The following ATRNL1 variants were observed in gnomAD, a reference collection of about 807,000 sequenced individuals.
The protein encoded by ATRNL1 is attractin like 1, also known as attractin-like protein 1.
In ATRNL1, 95 loss-of-function variants were observed where a neutral mutation model predicts 182.7. The ratio of observed to expected loss-of-function variants is 0.52; its 90% confidence interval spans 0.44 to 0.62. ATRNL1 has a LOEUF of 0.62. Ranked by LOEUF, ATRNL1 falls within the 20% of genes least tolerant of loss-of-function variation. The pLI, the probability that ATRNL1 is intolerant of heterozygous loss-of-function variation, is 0.00. For missense variants in ATRNL1, 1,471 were observed against 1,679.5 expected (o/e 0.88, Z 2.17); for synonymous variants, 576 against 568.3 (o/e 1.01, Z -0.19).
chr10:115,237,737 A>T (rs1850247100), intron 9 of ATRNL1, among the ~76,000 whole-genome samples: 2 of 152,110 alleles, frequency 1.3e-5, no homozygotes. Context: ...ATAGAGTCCA[A>T]ATTATGACTT....
intron 26 of ATRNL1, among the ~76,000 whole-genome samples, chr10:115,723,536 A>T (rs1482027111): frequency 1.3e-5 from 1 of 75,032 alleles, no homozygotes; most frequent in African/African-American, 3.3e-5. Context: ...TTTCTTTTGT[A>T]TTTATTTATT....
chr10:115,570,482 A>G (rs1229321920), intron 26 of ATRNL1, among the ~76,000 whole-genome samples: 1 of 152,174 alleles, frequency 6.6e-6, no homozygotes, highest in Non-Finnish European at 1.5e-5. Flanking sequence ...TGGTTTCTGG[A>G]ATTTGAGTCA....
At chr10:115,392,877 ATACT>A (rs1164741856) in intron 19 of ATRNL1, among the ~76,000 whole-genome samples, 1 of 152,176 alleles carries the variant, frequency 6.6e-6, no homozygotes, top group Non-Finnish European at 1.5e-5. Flanking sequence ...TGGAAGAAAC[ATACT>A]TTCTTTTTCT....
intron 20 of ATRNL1, among the ~76,000 whole-genome samples, chr10:115,396,766 A>ATTT (rs1844310280): frequency 1.3e-5 from 2 of 152,064 alleles, no homozygotes; most frequent in South Asian, 4.1e-4. Flanking sequence ...TAGTTCTTTG[A>ATTT]TACAGTATTG....
At chr10:115,815,932 G>T (rs1482843304) in intron 27 of ATRNL1, among the ~76,000 whole-genome samples, 2 of 152,132 alleles carry the variant, frequency 1.3e-5, no homozygotes, top group African/African-American at 4.8e-5. Flanking sequence ...AAACCAGGCT[G>T]ATTTCATAAA....
intron 28 of ATRNL1, among the ~76,000 whole-genome samples, chr10:115,918,164 G>T (rs953255282): frequency 7.5e-6 from 1 of 133,640 alleles, no homozygotes; most frequent in Non-Finnish European, 1.5e-5. Context: ...TGTATTACAC[G>T]ATCTCAGCTC....
At chr10:115,465,154 T>C (rs1456354892) in intron 22 of ATRNL1, among the ~76,000 whole-genome samples, 1 of 151,730 alleles carries the variant, frequency 6.6e-6, no homozygotes, top group Non-Finnish European at 1.5e-5. Context: ...GAAATTTCAA[T>C]CTAAGGTTAT....
chr10:115,602,989 A>G (rs1487201056), intron 26 of ATRNL1, among the ~76,000 whole-genome samples: 8 of 152,204 alleles, frequency 5.3e-5, no homozygotes, highest in Admixed American at 3.9e-4. Context: ...ACAGATACAA[A>G]TGAACAGCCA....
At chr10:115,700,529 CT>C (rs1210712723) in intron 26 of ATRNL1, among the ~76,000 whole-genome samples, 2 of 152,028 alleles carry the variant, frequency 1.3e-5, no homozygotes, top group Non-Finnish European at 2.9e-5. Flanking sequence ...CTTTTGCCCA[CT>C]TTTTACTGGG....
intron 26 of ATRNL1, among the ~76,000 whole-genome samples, chr10:115,633,674 T>C (rs11197361): frequency 0.18 from 26,735 of 152,100 alleles, 2,904 homozygotes; most frequent in East Asian, 0.26. Context: ...ACCATCCTGT[T>C]TGGATATGTG....
At chr10:115,327,661 C>G (rs1854977181) in intron 18 of ATRNL1, among the ~76,000 whole-genome samples, 1 of 150,486 alleles carries the variant, frequency 6.6e-6, no homozygotes, top group Non-Finnish European at 1.5e-5. Context: ...GCACTATTCA[C>G]AATAGCAAAG....
intron 1 of ATRNL1, among the ~76,000 whole-genome samples, chr10:115,109,765 A>G (rs77794959): frequency 5.3e-5 from 8 of 152,290 alleles, no homozygotes; most frequent in African/African-American, 9.6e-5. Flanking sequence ...GGAGGCAATC[A>G]ACTTGTTTTG....
chr10:115,823,813 G>C (rs1036432950), intron 27 of ATRNL1, among the ~76,000 whole-genome samples: 1 of 152,270 alleles, frequency 6.6e-6, no homozygotes, highest in Middle Eastern at 3.4e-3. Context: ...CCATGCTCAT[G>C]GATAGGAAGA....
At chr10:115,560,106 T>A (rs1237999873) in intron 26 of ATRNL1, among the ~76,000 whole-genome samples, 1 of 152,032 alleles carries the variant, frequency 6.6e-6, no homozygotes, top group Non-Finnish European at 1.5e-5. Flanking sequence ...AACCTGAAAG[T>A]AAAACTAAAA....
At chr10:115,196,894 A>G (rs1554891194) in intron 8 of ATRNL1, among the ~76,000 whole-genome samples, 2 of 151,984 alleles carry the variant, frequency 1.3e-5, no homozygotes, top group Non-Finnish European at 2.9e-5. Flanking sequence ...GCCTTTTACT[A>G]ATTTTCTTTG....
chr10:115,193,828 A>G (rs1848255895), intron 8 of ATRNL1, among the ~76,000 whole-genome samples: 1 of 151,470 alleles, frequency 6.6e-6, no homozygotes, highest in African/African-American at 2.4e-5. Flanking sequence ...TTTTAATGTA[A>G]GGATTTATTA....
intron 26 of ATRNL1, among the ~76,000 whole-genome samples, chr10:115,625,219 A>G (rs1437932500): frequency 6.6e-6 from 1 of 152,188 alleles, no homozygotes; most frequent in African/African-American, 2.4e-5. Context: ...TTGTTTTTCA[A>G]TACAAGGTCT....
chr10:115,642,792 GA>G (rs34728458), intron 26 of ATRNL1, among the ~76,000 whole-genome samples: 2 of 152,094 alleles, frequency 1.3e-5, no homozygotes. Context: ...AATTTATATG[GA>G]AATGCAAAGG....
At chr10:115,631,104 G>T (rs1358065949) in intron 26 of ATRNL1, among the ~76,000 whole-genome samples, 2 of 151,812 alleles carry the variant, frequency 1.3e-5, no homozygotes, top group Admixed American at 6.6e-5. Context: ...TGGTCAAATG[G>T]TACAACGTTT....
Sources: allele counts gnomAD v4.1 joint callset (sites outside exome capture counted in the v4.1 genomes callset), GRCh38; gene constraint gnomAD v4.1.1; transcripts MANE v1.5; gene names NCBI Gene and HGNC (gene_info 2026-07-23, HGNC 2026-07-21).